ARAP2: variants seen among roughly 807,000 people sequenced by gnomAD.
The protein encoded by ARAP2 is ArfGAP with RhoGAP domain, ankyrin repeat and PH domain 2.
In ARAP2, 148 loss-of-function variants were observed where a neutral mutation model predicts 194.5. The ratio of observed to expected loss-of-function variants is 0.76; its 90% CI spans 0.67 to 0.87. The LOEUF (loss-of-function observed/expected upper bound fraction) is 0.87. ARAP2 is among the 40% of genes least tolerant of loss of function. ARAP2 has a pLI of 0.00. For synonymous variants in ARAP2, 695 were observed against 683.5 expected, an observed-to-expected ratio of 1.02 and a Z score of -0.26; for missense variants, 2,128 against 1,989.7, an observed-to-expected ratio of 1.07 and a Z score of -1.32.
chr4:36,215,744 G>C (rs1319409998), intron 2 of ARAP2, among the ~76,000 whole-genome samples: 1 of 152,116 alleles, frequency 6.6e-6, no homozygotes, highest in Non-Finnish European at 1.5e-5. Context: ...AGCAACTCAG[G>C]GGGCTGAGGT....
Position 36,073,839 on chromosome 4 carries a change from T to G in ARAP2, c.4609-16A>C. The G allele has an allele frequency of 6.2e-7, 1 of 1,612,046 alleles. No homozygotes were observed. ...CATATTCATGCTGTGGAAACACAAT[T>G]TCTTGCTGTTGGTGTGTGATTTTAT... On this transcript the variant is annotated splice_polypyrimidine_tract_variant and intron_variant, in intron 31 of 32. Coordinates refer to ENST00000303965, the MANE Select transcript of ARAP2 (RefSeq NM_015230.4).
intron 28 of ARAP2, among the ~76,000 whole-genome samples, chr4:36,087,332 A>G (rs2109366705): frequency 6.6e-6 from 1 of 152,234 alleles, no homozygotes; most frequent in South Asian, 2.1e-4. Context: ...AAATTAAAGT[A>G]TCAGTTGCAT....
chr4:36,069,390 A>G (rs1164005318), intron 32 of ARAP2, among the ~76,000 whole-genome samples: 1 of 152,188 alleles, frequency 6.6e-6, no homozygotes, highest in Non-Finnish European at 1.5e-5. Flanking sequence ...ATGTTAAAAT[A>G]CTAAGAAAAA....
In ARAP2 at chr4:36,133,252, C is replaced by T. The variant is rs750567667; in HGVS notation, c.3401G>A (p.Ser1134Asn). 7 of 1,610,804 alleles carry T rather than the reference C, an allele frequency of 4.3e-6. No homozygotes were observed. The highest frequency in any genetic ancestry group is 1.1e-5 in the South Asian group (1 of 91,018). ...SKNDVPIIVN[S>N]CIAFVTQYGL... ...ATACTGTGTAACAAATGCTATACAG[C>T]TGTTCACTATAATGGGAACGTCATT... Residue 1134 changes from serine to asparagine, a missense_variant, in exon 20 of 33, where the codon AGC becomes AAC. Ser to Asn is a conservative substitution (Grantham distance 46). Coordinates refer to ENST00000303965, the MANE Select transcript of ARAP2 (RefSeq NM_015230.4).
chr4:36,010,751 A>G (rs1714348905), intron 9 of ARAP2, among the ~76,000 whole-genome samples: 1 of 152,142 alleles, frequency 6.6e-6, no homozygotes, highest in Admixed American at 6.6e-5. Context: ...AATAATCATT[A>G]ATCCTCTTCC....
chr4:36,210,288 G>T, intron 6 of ARAP2, 102 bp downstream of exon 6: 2 of 1,013,772 alleles, frequency 2.0e-6, no homozygotes, highest in Non-Finnish European at 2.9e-6. Flanking sequence ...ATGTGTGTGT[G>T]TGGCGGTGGA....
intron 19 of ARAP2, among the ~76,000 whole-genome samples, chr4:36,139,527 C>A (rs1252024061): frequency 6.6e-6 from 1 of 151,684 alleles, no homozygotes; most frequent in Non-Finnish European, 1.5e-5. Context: ...TCCGTTTATT[C>A]ATTCTTTCTA....
rs1729232176 is a variant in ARAP2 at position 36,080,349 on chromosome 4, G to A, written c.4545-70C>T. The A allele has an allele frequency of 8.8e-6, 11 of 1,255,368 alleles. No homozygotes were observed. In the South Asian group the frequency reaches 1.4e-4, roughly 16 times the overall value. 77.8% of individuals were successfully genotyped at this position (1,255,368 alleles called of 1,614,324 possible). A position where few individuals can be genotyped will look rare whatever the true frequency, so the allele number is the denominator to read the frequency against. On this transcript the variant is annotated intron_variant, in intron 30 of 32. Transcript: ENST00000303965. ...GACTGTTCTCTAGTGTATCTGCTGA[G>A]TGATTTGGTGATCAAAAATCTCTGG... is the stretch of plus-strand genomic sequence containing the variant.
At chr4:36,169,622 C>G (rs966991584) in intron 9 of ARAP2, among the ~76,000 whole-genome samples, 1 of 152,032 alleles carries the variant, frequency 6.6e-6, no homozygotes, top group South Asian at 2.1e-4. Context: ...CCTCGGCCCC[C>G]CCAGGTTCAA....
At chr4:36,112,150 T>C (rs189397093) in intron 26 of ARAP2, among the ~76,000 whole-genome samples, 3 of 152,072 alleles carry the variant, frequency 2.0e-5, no homozygotes, top group Non-Finnish European at 4.4e-5. Context: ...AGAATGCATC[T>C]ACTTTTTTGC....
At chr4:36,187,198 T>C (rs1238551955) in intron 8 of ARAP2, among the ~76,000 whole-genome samples, 5 of 152,358 alleles carry the variant, frequency 3.3e-5, no homozygotes, top group Admixed American at 2.0e-4. Context: ...TTTTTTCACA[T>C]TGTATATGCA....
Position 36,187,484 on chromosome 4 carries a change from G to A in ARAP2, c.1645C>T (p.Gln549Ter). The change falls in exon 8 of 33, where the codon CAA (glutamine) becomes TAA (stop). Residue 549 changes from glutamine (Q) to a stop codon, truncating the protein, a stop_gained. Coordinates refer to ENST00000303965, the MANE Select transcript of ARAP2 (RefSeq NM_015230.4). LOFTEE classifies it high-confidence loss of function. ...TCTACTCTAAAAACAAAAGTTCTTT[G>A]TGTTGTAACAACTTCAAATTTGTTG... ...GDNKFEVVTT[Q>*]RTFVFRVEKE... 1 of 1,501,268 alleles carries A rather than the reference G, an allele frequency of 6.7e-7. No individual in the cohort carries two copies. The highest frequency in any genetic ancestry group is 9.0e-7 in the Non-Finnish European group (1 of 1,108,088). 93.0% of individuals were successfully genotyped at this position (1,501,268 alleles called of 1,614,324 possible). A position where few individuals can be genotyped will look rare whatever the true frequency, so the allele number is the denominator to read the frequency against.
chr4:36,233,848 TA>T (rs1751962085), intron 1 of ARAP2, among the ~76,000 whole-genome samples: 1 of 152,264 alleles, frequency 6.6e-6, no homozygotes, highest in Non-Finnish European at 1.5e-5. Context: ...CTTTGAGGTC[TA>T]AAACACTTTC....
chr4:36,046,853 A>G (rs1478307503), intron 3 of ARAP2: 1 of 152,226 alleles, frequency 6.6e-6, no homozygotes, highest in African/African-American at 2.4e-5. Context: ...TACCCACCTC[A>G]TTAGGACAGG....
At chr4:36,014,262 AAAG>A (rs1359338376) in intron 8 of ARAP2, among the ~76,000 whole-genome samples, 3 of 146,118 alleles carry the variant, frequency 2.1e-5, no homozygotes, top group Non-Finnish European at 3.0e-5. Flanking sequence ...AGAAAGAAAG[AAAG>A]AAAGAAAGAA....
chr4:36,064,212 T>C (rs1211511978), downstream of ARAP2, among the ~76,000 whole-genome samples: 2 of 151,706 alleles, frequency 1.3e-5, no homozygotes, highest in Non-Finnish European at 2.9e-5. Flanking sequence ...CTTTCTTTTT[T>C]TTTTTTTTTC....
chr4:36,088,335 G>T (rs1464300545), intron 28 of ARAP2, among the ~76,000 whole-genome samples: 2 of 152,048 alleles, frequency 1.3e-5, no homozygotes, highest in African/African-American at 4.8e-5. Context: ...TTCAGTTCTA[G>T]CTGACTAGAA....
chr4:36,159,478 C>T lies in ARAP2; in HGVS notation c.2470G>A (p.Asp824Asn), dbSNP rs1216947591. ...KALCAAVVKP[D>N]VLETMALLFS... ...AGCAAAGCCATTGTTTCTAGAACAT[C>T]CGGTTTCACTACAGCAGCACATAGA... The change falls in exon 14 of 33, where the codon GAT becomes AAT. Residue 824 changes from aspartate (D) to asparagine (N), a missense_variant. By Grantham distance (23) the Asp-to-Asn change is conservative. Transcript: ENST00000303965. The T allele has an allele frequency of 2.5e-6, 4 of 1,584,894 alleles. No homozygotes were observed. The African/African-American group carries it at 5.4e-5, about 21-fold the overall frequency.
chr4:36,081,968 C>A (rs907166787), intron 30 of ARAP2, among the ~76,000 whole-genome samples: 1 of 152,058 alleles, frequency 6.6e-6, no homozygotes, highest in African/African-American at 2.4e-5. Context: ...TTAAAACTAT[C>A]ACCTACTTAT....
Sources: allele counts gnomAD v4.1 joint callset (sites outside exome capture counted in the v4.1 genomes callset), GRCh38; gene constraint gnomAD v4.1.1; transcripts MANE v1.5; gene names NCBI Gene and HGNC (gene_info 2026-07-23, HGNC 2026-07-21).